Variants in JAG1 observed in about 807,000 individuals in gnomAD.
The protein encoded by JAG1 is protein jagged-1.
Under a neutral mutation model 148.7 loss-of-function variants are expected in JAG1, and 23 were observed. The observed-to-expected ratio is 0.15, with a 90% CI of 0.11 to 0.22. The LOEUF is 0.22. JAG1 is among the 10% of genes least tolerant of loss of function. JAG1 has a pLI of 1.00. For missense variants in JAG1, 1,054 were observed against 1,611.2 expected (o/e 0.65, Z 5.92); for synonymous variants, 572 against 598.3 (o/e 0.96, Z 0.64).
In JAG1 at chr20:10,661,570, G is replaced by A. The variant is rs146334787; in HGVS notation, c.439+2393C>T. Reference sequence around the variant, plus strand: ...TGGACAACACGGTGTGTAAGACAAGGCTGGCAGGGAGACAAAGCTGGGCTG... The same window carrying A: ...TGGACAACACGGTGTGTAAGACAAGACTGGCAGGGAGACAAAGCTGGGCTG... On this transcript the variant is annotated intron_variant, in intron 3 of 25. Coordinates refer to ENST00000254958, the MANE Select transcript of JAG1 (RefSeq NM_000214.3). Among the ~76,000 whole-genome samples the A allele has an allele frequency of 5.5e-3, 841 of 152,308 alleles. 5 individuals carry two copies. Among genetic ancestry groups the A allele is most frequent in the Middle Eastern group, 0.017 (5 of 294 alleles).
At chr20:10,650,202 A>G in intron 9 of JAG1, 45 bp downstream of exon 9, 2 of 1,313,656 alleles carry the variant, frequency 1.5e-6, no homozygotes, top group Non-Finnish European at 2.2e-6. Flanking sequence ...TTGACAATCA[A>G]AGCCAACCTT....
At chr20:10,648,425 A>G (rs1477425347) in intron 12 of JAG1, 124 bp downstream of exon 12, 2 of 837,918 alleles carry the variant, frequency 2.4e-6, no homozygotes, top group African/African-American at 3.3e-5. Flanking sequence ...CTCTCTCATC[A>G]ATAGGATGTT....
rs2067380595 is a variant in JAG1 at position 10,656,544 on chromosome 20, C to T, written c.695-86G>A. The T allele has an allele frequency of 3.5e-6, 4 of 1,129,414 alleles. No individual in the cohort carries two copies. The Admixed American group carries it at 7.2e-5, about 20-fold the overall frequency. The allele number at this position is 1,129,414 out of a possible 1,614,324, so 70.0% of individuals were successfully genotyped here. On this transcript the variant is annotated intron_variant, in intron 4 of 25. Transcript: ENST00000254958. ...TGAGAATGGCCCATTGCATTAAAGT[C>T]TGCAAATTCCACGATTTTAACAGGT...
chr20:10,665,011 G>A (rs1158365664), intron 2 of JAG1, among the ~76,000 whole-genome samples: 1 of 152,180 alleles, frequency 6.6e-6, no homozygotes, highest in Non-Finnish European at 1.5e-5. Flanking sequence ...CTGAAGAAAT[G>A]TACTCAAGGC....
In JAG1 at chr20:10,641,116, G is replaced by A. The variant is rs886043607; in HGVS notation, c.3045C>T (p.Ala1015=). 6.2e-7 allele frequency: 1 copy of A among 1,614,050 alleles called. No homozygotes were observed. The highest frequency in any genetic ancestry group is 8.5e-7 in the Non-Finnish European group (1 of 1,180,024). The change falls in exon 24 of 26, where the codon GCC becomes GCT. Residue 1015 remains alanine, a synonymous_variant. Coordinates refer to ENST00000254958, the MANE Select transcript of JAG1 (RefSeq NM_000214.3). ...SPSANNEIHV[A]ISAEDIRDDG... ...TGTGAATGGGTCTTATACTTACAAT[G>A]GCCACATGTATTTCATTGTTCGCTG... is the stretch of plus-strand genomic sequence containing the variant.
At chr20:10,659,421 T>C (rs1311276665) in intron 3 of JAG1, among the ~76,000 whole-genome samples, 1 of 152,260 alleles carries the variant, frequency 6.6e-6, no homozygotes, top group African/African-American at 2.4e-5. Context: ...CCCTATGGAA[T>C]GTTGCTCTTG....
chr20:10,647,063 T>A lies in JAG1; in HGVS notation c.1761A>T (p.Thr587=). Residue 587 remains threonine (T), a synonymous_variant, in exon 14 of 26, where the codon ACA becomes ACT. Coordinates refer to ENST00000254958, the MANE Select transcript of JAG1 (RefSeq NM_000214.3). ...SCTVAMASND[T]PEGVRYISSN... ...AGGAAATATACCGCACCCCTTCAGG[T>A]GTGTCGTTGGAAGCCATGGCCACTG... 1 of 1,614,170 alleles carries A rather than the reference T, an allele frequency of 6.2e-7. No individual in the cohort carries two copies. Among genetic ancestry groups the A allele is most frequent in the Non-Finnish European group, 8.5e-7 (1 of 1,180,024 alleles).
rs1395980350 is a variant in JAG1 at position 10,651,563 on chromosome 20, G to A, written c.1120+18C>T. 5.9e-6 allele frequency: 9 copies of A among 1,533,100 alleles called. No individual in the cohort carries two copies. Among genetic ancestry groups the A allele is most frequent in the South Asian group, 2.2e-5 (2 of 89,468 alleles). 95.0% of individuals were successfully genotyped at this position (1,533,100 alleles called of 1,614,324 possible). ...ACAAGGATCCTTAGAATGGACACAG[G>A]CTGAAAATTGGACTTACTTGTAGAG... On this transcript the variant is annotated intron_variant, in intron 8 of 25. Transcript: ENST00000254958.
At chr20:10,646,438 C>T (rs1406302003) in intron 14 of JAG1, 2 of 373,208 alleles carry the variant, frequency 5.4e-6, no homozygotes, top group Admixed American at 7.5e-5. Context: ...TGAACACGAC[C>T]TCAGTCTTAG....
Position 10,641,653 on chromosome 20 carries a change from T to G in JAG1, c.2723A>C (p.His908Pro). Residue 908 changes from histidine to proline, a missense_variant, in exon 23 of 26, where the codon CAC becomes CCC. Around this residue, in one of 6 missense-constraint regions of JAG1, gnomAD observed 342 missense variants for 514.6 expected, o/e 0.66. Transcript: ENST00000254958. The stretch of plus-strand genomic sequence containing the variant: ...GCTCTGCCCGCTGGGGCACTCGCTG[T>G]GCCCTTTGTGGAGCAGGCAAGGTCG... ...GPRPCLLHKG[H>P]SECPSGQSCI... The G allele has an allele frequency of 6.2e-7, 1 of 1,614,044 alleles. No homozygotes were observed. The highest frequency in any genetic ancestry group is 8.5e-7 in the Non-Finnish European group (1 of 1,180,044).
In JAG1 at chr20:10,673,507, G is replaced by T; in HGVS notation, c.24C>A (p.Gly8=). 3.2e-6 allele frequency: 4 copies of T among 1,267,526 alleles called. No individual in the cohort carries two copies. The highest frequency in any genetic ancestry group is 3.0e-6 in the Non-Finnish European group (3 of 999,574). 78.5% of individuals were successfully genotyped at this position (1,267,526 alleles called of 1,614,324 possible). A position where few individuals can be genotyped will look rare whatever the true frequency, so the allele number is the denominator to read the frequency against. ...GGAGGCTTAGGGGGCGCCCGGACCG[G>T]CCGCGCGTCCGTGGGGAACGCATCG... is the stretch of plus-strand genomic sequence containing the variant. The part of the protein sequence containing the change: MRSPRTR[G]RSGRPLSLLL... The change falls in exon 1 of 26, where the codon GGC becomes GGA. Residue 8 remains glycine, a synonymous_variant. Transcript: ENST00000254958. The surrounding 1 kb of genome is among the most constrained non-coding windows in gnomAD (Gnocchi z 4.7).
intron 2 of JAG1, among the ~76,000 whole-genome samples, chr20:10,667,752 G>A (rs2067465158): frequency 6.6e-6 from 1 of 152,116 alleles, no homozygotes. Context: ...ATCCAGATTT[G>A]TGACTCTCAA....
In JAG1 at chr20:10,658,526, A is replaced by G. The variant is rs1178684049; in HGVS notation, c.636T>C (p.Cys212=). ...TGCAAGTTTTGTTGCCATTCTGGTC[A>G]CAGGCATAGTGTCCAAAGAAGTCAT... The part of the protein sequence containing the change: ...PRDDFFGHYA[C]DQNGNKTCME... Residue 212 remains cysteine, a synonymous_variant, in exon 4 of 26, where the codon TGT becomes TGC. Transcript: ENST00000254958. 3 of 1,614,238 alleles carry G rather than the reference A, an allele frequency of 1.9e-6. No homozygotes were observed. Among genetic ancestry groups the G allele is most frequent in the Non-Finnish European group, 2.5e-6 (3 of 1,180,042 alleles).
chr20:10,647,867 A>G (rs2067319862), intron 13 of JAG1, 93 bp downstream of exon 13: 1 of 1,360,458 alleles, frequency 7.4e-7, no homozygotes, highest in Admixed American at 1.8e-5. Flanking sequence ...TCACCAATAC[A>G]TTACTTCTCA....
chr20:10,664,082 T>C (rs1176283394), intron 2 of JAG1, 68 bp from the exon 3 acceptor site: 5 of 1,292,866 alleles, frequency 3.9e-6, no homozygotes, highest in Non-Finnish European at 5.6e-6. Flanking sequence ...CGTACATTCT[T>C]GGCCTCCCAG....
intron 19 of JAG1, 77 bp from the exon 20 acceptor site, chr20:10,643,940 C>T: frequency 1.9e-6 from 2 of 1,079,662 alleles, no homozygotes; most frequent in Admixed American, 1.8e-5. Context: ...CATGTCACCA[C>T]ACCAGTTACA....
intron 8 of JAG1, chr20:10,650,786 T>G: frequency 4.2e-6 from 1 of 240,122 alleles, no homozygotes. Flanking sequence ...ATAGCACACC[T>G]AGAGGCTGCA....
At chr20:10,646,308 C>A (rs150528755) in intron 14 of JAG1, 1 of 547,440 alleles carries the variant, frequency 1.8e-6, no homozygotes, top group East Asian at 3.3e-5. Flanking sequence ...ATTTAGTCAC[C>A]GGTACTAGGT....
chr20:10,663,771 T>C (rs1390943189), intron 3 of JAG1, among the ~76,000 whole-genome samples, 192 bp downstream of exon 3: 4 of 152,182 alleles, frequency 2.6e-5, no homozygotes, highest in Non-Finnish European at 5.9e-5. Flanking sequence ...CCACTTAATA[T>C]TCCAAGCAAA....
Sources: allele counts gnomAD v4.1 joint callset (sites outside exome capture counted in the v4.1 genomes callset), GRCh38; gene constraint gnomAD v4.1.1; regional missense constraint gnomAD v4.1.1; non-coding constraint Gnocchi (gnomAD v3.1); transcripts MANE v1.5; gene names NCBI Gene and HGNC (gene_info 2026-07-23, HGNC 2026-07-21).